DLG2: variants seen among roughly 807,000 people sequenced by gnomAD.
DLG2 encodes the protein discs large MAGUK scaffold protein 2.
DLG2 carries 45 observed loss-of-function variants against 132.5 expected under a neutral mutation model. The observed-to-expected ratio is 0.34, with a 90% CI of 0.27 to 0.44. The LOEUF (loss-of-function observed/expected upper bound fraction) is 0.44. DLG2 is among the 20% of genes least tolerant of loss of function. The probability of loss-of-function intolerance (pLI) is 1.00; values close to 1 mark genes in which losing one functional copy is unlikely to be tolerated. For missense variants in DLG2, 1,045 were observed against 1,196.9 expected, an observed-to-expected ratio of 0.87 and a Z score of 1.87; for synonymous variants, 424 against 419.6, an observed-to-expected ratio of 1.01 and a Z score of -0.13.
chr11:85,316,664 G>C (rs1243535684), intron 3 of DLG2, among the ~76,000 whole-genome samples: 2 of 151,868 alleles, frequency 1.3e-5, no homozygotes, highest in East Asian at 3.9e-4. Flanking sequence ...TTTGAAGAGA[G>C]TGACCAGGAC....
chr11:84,592,446 C>T (rs2099545648), intron 6 of DLG2, among the ~76,000 whole-genome samples: 1 of 152,044 alleles, frequency 6.6e-6, no homozygotes, highest in East Asian at 1.9e-4. Context: ...GCAATGGCAA[C>T]AAAAACCGAA....
chr11:84,150,031 C>A (rs1380227775), intron 9 of DLG2, among the ~76,000 whole-genome samples: 1 of 152,176 alleles, frequency 6.6e-6, no homozygotes, highest in African/African-American at 2.4e-5. Flanking sequence ...GCTGGGGTTA[C>A]AGGTGTGAGC....
chr11:83,802,584 A>C (rs2044731001), intron 17 of DLG2, among the ~76,000 whole-genome samples: 1 of 152,152 alleles, frequency 6.6e-6, no homozygotes, highest in Non-Finnish European at 1.5e-5. Flanking sequence ...CAGGTATTAA[A>C]ATATCACTAT....
intron 11 of DLG2, among the ~76,000 whole-genome samples, chr11:84,049,604 C>T (rs945266010): frequency 4.0e-5 from 6 of 151,832 alleles, no homozygotes; most frequent in African/African-American, 1.4e-4. Flanking sequence ...GGAGCTTGTA[C>T]TTTCCTTTTA....
intron 6 of DLG2, among the ~76,000 whole-genome samples, chr11:84,699,468 A>T (rs117669577): frequency 0.067 from 10,105 of 151,576 alleles, 428 homozygotes; most frequent in Non-Finnish European, 0.099. Context: ...TGAGGGGAAG[A>T]GCATTCTGTC....
At chr11:83,967,534 T>G (rs2154161724) in intron 12 of DLG2, among the ~76,000 whole-genome samples, 1 of 152,286 alleles carries the variant, frequency 6.6e-6, no homozygotes, top group Admixed American at 6.5e-5. Flanking sequence ...TTGCATCTTC[T>G]TTGGAGAAAT....
At position 85,598,870 on chromosome 11, in the gene DLG2, C is replaced by A. The variant is rs1048915100; in HGVS notation, c.-92-82G>T. The A allele has an allele frequency of 1.7e-5, 7 of 410,224 alleles. No individual in the cohort carries two copies. In the East Asian group the frequency reaches 2.6e-4, roughly 15 times the overall value. 25.4% of individuals were successfully genotyped at this position (410,224 alleles called of 1,614,324 possible). On this transcript the variant is annotated intron_variant, in intron 2 of 27. Coordinates refer to ENST00000376104, the MANE Select transcript of DLG2 (RefSeq NM_001142699.3). ...CATTAAACTATTCTATAATTGTGTTCCTAACTTAATGACATGAAATAACTT... is the reference window on the plus strand; with the variant it reads ...CATTAAACTATTCTATAATTGTGTTACTAACTTAATGACATGAAATAACTT...
intron 6 of DLG2, among the ~76,000 whole-genome samples, chr11:84,598,563 A>C (rs942897148): frequency 6.6e-6 from 1 of 152,084 alleles, no homozygotes; most frequent in African/African-American, 2.4e-5. Context: ...TCTAAACTAT[A>C]TTGAAAATAT....
chr11:85,171,458 G>A (rs1055758647), intron 4 of DLG2, among the ~76,000 whole-genome samples: 41 of 152,304 alleles, frequency 2.7e-4, no homozygotes, highest in African/African-American at 8.9e-4. Context: ...ATCCGAAGCA[G>A]AGAGCTGTGT....
chr11:83,620,564 G>A (rs186162511), intron 19 of DLG2, among the ~76,000 whole-genome samples: 3 of 152,126 alleles, frequency 2.0e-5, no homozygotes, highest in East Asian at 3.9e-4. Flanking sequence ...TCTAAAAGAC[G>A]TCTTTCTTTG....
At chr11:84,863,280 G>A (rs1446674765) in intron 6 of DLG2, among the ~76,000 whole-genome samples, 1 of 151,974 alleles carries the variant, frequency 6.6e-6, no homozygotes, top group Non-Finnish European at 1.5e-5. Context: ...TTGCCATTTA[G>A]ATCTTTACTA....
intron 6 of DLG2, among the ~76,000 whole-genome samples, chr11:84,629,194 A>G (rs1448736575): frequency 6.6e-6 from 1 of 152,234 alleles, no homozygotes; most frequent in Non-Finnish European, 1.5e-5. Flanking sequence ...TGAGCTTTAT[A>G]AACAAATTCT....
At chr11:84,825,236 C>A (rs1444978298) in intron 6 of DLG2, among the ~76,000 whole-genome samples, 1 of 151,798 alleles carries the variant, frequency 6.6e-6, no homozygotes, top group African/African-American at 2.4e-5. Flanking sequence ...TGCTCACATG[C>A]TGAAGTCTTG....
At chr11:85,026,294 AAAAGC>A (rs2154142363) in intron 6 of DLG2, among the ~76,000 whole-genome samples, 1 of 152,330 alleles carries the variant, frequency 6.6e-6, no homozygotes, top group South Asian at 2.1e-4. Context: ...GGTAATTTAA[AAAAGC>A]AAAGAACATG....
chr11:84,883,311 G>A (rs911362881), intron 6 of DLG2, among the ~76,000 whole-genome samples: 1 of 151,898 alleles, frequency 6.6e-6, no homozygotes, highest in Non-Finnish European at 1.5e-5. Context: ...GCCTGTTAGG[G>A]GGTGGGGGAC....
intron 7 of DLG2, among the ~76,000 whole-genome samples, chr11:84,350,602 A>G (rs796653072): frequency 8.5e-5 from 13 of 152,308 alleles, no homozygotes; most frequent in African/African-American, 3.1e-4. Flanking sequence ...GAGAGAATGG[A>G]ATGAGTTGAT....
At chr11:85,462,414 A>G (rs1456878864) in intron 3 of DLG2, among the ~76,000 whole-genome samples, 1 of 152,218 alleles carries the variant, frequency 6.6e-6, no homozygotes, top group South Asian at 2.1e-4. Context: ...ATGTCCGACA[A>G]TGATAGACTG....
chr11:84,759,513 C>T (rs559605396), intron 6 of DLG2, among the ~76,000 whole-genome samples: 2 of 152,264 alleles, frequency 1.3e-5, no homozygotes, highest in East Asian at 3.9e-4. Context: ...GAGGCTTGAG[C>T]GTTTATGATA....
chr11:85,318,827 C>T (rs146227369), intron 3 of DLG2, among the ~76,000 whole-genome samples: 176 of 151,924 alleles, frequency 1.2e-3, no homozygotes, highest in African/African-American at 4.1e-3. Context: ...ACTTCTGCCA[C>T]TAAGGTCCAC....
Sources: allele counts gnomAD v4.1 joint callset (sites outside exome capture counted in the v4.1 genomes callset), GRCh38; gene constraint gnomAD v4.1.1; transcripts MANE v1.5; gene names NCBI Gene and HGNC (gene_info 2026-07-23, HGNC 2026-07-21).